The following ADGRB3 variants were observed in gnomAD, a reference collection of about 807,000 sequenced individuals.
ADGRB3 encodes brain-specific angiogenesis inhibitor 3.
Under a neutral mutation model 193.4 loss-of-function variants are expected in ADGRB3, and 37 were observed. That is an observed-to-expected ratio of 0.19 (90% CI 0.15 to 0.25). The LOEUF (loss-of-function observed/expected upper bound fraction) is 0.25. ADGRB3 is among the 10% of genes least tolerant of loss of function. The pLI is 1.00. For synonymous variants in ADGRB3, 690 were observed against 644.2 expected, an observed-to-expected ratio of 1.07 and a Z score of -1.08; for missense variants, 1,637 against 1,852.9, an observed-to-expected ratio of 0.88 and a Z score of 2.14.
chr6:69,385,974 T>G (rs1351529087), intron 31 of ADGRB3, among the ~76,000 whole-genome samples: 1 of 152,028 alleles, frequency 6.6e-6, no homozygotes, highest in Non-Finnish European at 1.5e-5. Flanking sequence ...GACTTCTGAG[T>G]GCAGTAGTTT....
intron 3 of ADGRB3, among the ~76,000 whole-genome samples, chr6:68,732,240 G>T (rs2127333068): frequency 6.6e-6 from 1 of 151,832 alleles, no homozygotes; most frequent in East Asian, 1.9e-4. Flanking sequence ...TGTGGCATGG[G>T]AGTTTGTTAG....
At chr6:68,665,072 T>C (rs988648756) in intron 3 of ADGRB3, among the ~76,000 whole-genome samples, 2 of 151,744 alleles carry the variant, frequency 1.3e-5, no homozygotes, top group African/African-American at 2.4e-5. Context: ...CAGCCTTCTT[T>C]ACTGGCCAAG....
intron 3 of ADGRB3, among the ~76,000 whole-genome samples, chr6:68,668,804 G>C (rs1472608097): frequency 6.6e-6 from 1 of 151,780 alleles, no homozygotes; most frequent in Non-Finnish European, 1.5e-5. Context: ...TACCTCCAAA[G>C]TATAATTAAC....
intron 3 of ADGRB3, among the ~76,000 whole-genome samples, chr6:68,763,236 G>A (rs917567160): frequency 1.1e-4 from 16 of 152,030 alleles, no homozygotes; most frequent in African/African-American, 2.2e-4. Flanking sequence ...GATTACAGGC[G>A]CCCACCATAA....
At chr6:68,773,517 A>G (rs1766679582) in intron 3 of ADGRB3, among the ~76,000 whole-genome samples, 1 of 152,192 alleles carries the variant, frequency 6.6e-6, no homozygotes, top group Non-Finnish European at 1.5e-5. Flanking sequence ...TTCAACATTT[A>G]TTAAACATCT....
chr6:68,977,712 T>G (rs1338413807), intron 10 of ADGRB3, among the ~76,000 whole-genome samples: 3 of 152,172 alleles, frequency 2.0e-5, no homozygotes, highest in Non-Finnish European at 2.9e-5. Context: ...CTGCCTCTGT[T>G]TATTCGGCTC....
rs771180979 is a variant in ADGRB3, at chr6:68,993,869, T to C, written c.1836T>C (p.Tyr612=). 5 of 1,614,012 alleles carry C rather than the reference T, an allele frequency of 3.1e-6. No individual in the cohort carries two copies. In the South Asian group the frequency reaches 5.5e-5, roughly 18 times the overall value. The change falls in exon 11 of 32, where the codon TAT becomes TAC. Residue 612 remains tyrosine (Y), a synonymous_variant. Transcript: ENST00000370598. Reference sequence around the variant, plus strand: ...ATTTAACTCAGAGAAAAAATTTCTATGCAGGCGATCTTCTGATGTCTGTGG... The same window carrying C: ...ATTTAACTCAGAGAAAAAATTTCTACGCAGGCGATCTTCTGATGTCTGTGG... ...LLDLTQRKNF[Y]AGDLLMSVEI...
intron 3 of ADGRB3, among the ~76,000 whole-genome samples, chr6:68,803,939 A>G (rs1767357378): frequency 6.6e-6 from 1 of 152,164 alleles, no homozygotes. Flanking sequence ...ATTCAATACC[A>G]TTGAACATTT....
At chr6:68,648,309 C>G (rs944360208) in intron 3 of ADGRB3, among the ~76,000 whole-genome samples, 6 of 152,000 alleles carry the variant, frequency 3.9e-5, no homozygotes, top group African/African-American at 1.2e-4. Context: ...AATGATGATG[C>G]CTGAGGCATG....
chr6:68,803,261 C>A (rs915888106), intron 3 of ADGRB3, among the ~76,000 whole-genome samples: 3 of 152,156 alleles, frequency 2.0e-5, no homozygotes, highest in African/African-American at 7.2e-5. Context: ...TTCATAATTT[C>A]TGTATTTACA....
At chr6:68,852,360 A>G (rs1018610593) in intron 3 of ADGRB3, among the ~76,000 whole-genome samples, 3 of 151,942 alleles carry the variant, frequency 2.0e-5, no homozygotes, top group African/African-American at 7.2e-5. Context: ...ATTAGCATAT[A>G]TTGAATACAT....
Position 69,014,084 on chromosome 6 carries a change from A to G in ADGRB3, c.1976A>G (p.Glu659Gly). The G allele has an allele frequency of 6.2e-7, 1 of 1,603,580 alleles. No homozygotes were observed. Residue 659 changes from glutamate to glycine, a missense_variant, in exon 12 of 32, where the codon GAA becomes GGA. Coordinates refer to ENST00000370598, the MANE Select transcript of ADGRB3 (RefSeq NM_001704.3). Reference protein sequence around the residue: ...VSNLLDEENKEKWEDAQQIYP... With the variant: ...VSNLLDEENKGKWEDAQQIYP... ...AACCTTCTAGATGAAGAAAACAAGGAAAAATGGGAAGATGCACAACAGGTA... is the reference window on the plus strand; with the variant it reads ...AACCTTCTAGATGAAGAAAACAAGGGAAAATGGGAAGATGCACAACAGGTA...
chr6:68,902,928 G>A (rs1766437885), intron 3 of ADGRB3, among the ~76,000 whole-genome samples: 1 of 152,082 alleles, frequency 6.6e-6, no homozygotes, highest in African/African-American at 2.4e-5. Flanking sequence ...TGGTTTCTGT[G>A]AAAAGTCTCT....
chr6:69,237,237 A>G (rs575023289), intron 19 of ADGRB3, among the ~76,000 whole-genome samples: 11 of 152,140 alleles, frequency 7.2e-5, no homozygotes, highest in Admixed American at 5.9e-4. Flanking sequence ...TTAGGTTCCT[A>G]CCACCTTTTA....
At chr6:69,375,893 A>C (rs1007746260) in intron 30 of ADGRB3, among the ~76,000 whole-genome samples, 1 of 151,950 alleles carries the variant, frequency 6.6e-6, no homozygotes, top group Non-Finnish European at 1.5e-5. Context: ...CAGTGAACCA[A>C]GATCGTGCCG....
At chr6:68,860,375 T>G (rs1582261865) in intron 3 of ADGRB3, among the ~76,000 whole-genome samples, 1 of 152,192 alleles carries the variant, frequency 6.6e-6, no homozygotes, top group East Asian at 1.9e-4. Flanking sequence ...ATTTTTCAAC[T>G]CTAATACTCT....
intron 3 of ADGRB3, among the ~76,000 whole-genome samples, chr6:68,847,912 G>T (rs1324965302): frequency 6.7e-6 from 1 of 148,194 alleles, no homozygotes; most frequent in Non-Finnish European, 1.5e-5. Context: ...AGGAAAGGAA[G>T]GAAAAAAAAG....
chr6:68,778,591 A>G (rs895699210), intron 3 of ADGRB3, among the ~76,000 whole-genome samples: 2 of 152,134 alleles, frequency 1.3e-5, no homozygotes, highest in African/African-American at 4.8e-5. Context: ...GCATAATTTT[A>G]ATTCAGGCAG....
intron 3 of ADGRB3, among the ~76,000 whole-genome samples, chr6:68,726,311 G>T (rs370498644): frequency 1.3e-5 from 2 of 151,646 alleles, no homozygotes; most frequent in East Asian, 1.9e-4. Context: ...CAGAGAGGAA[G>T]AAATTAAAAT....
Sources: gnomAD v4.1 joint callset for allele counts (sites outside exome capture counted in the v4.1 genomes callset) on GRCh38, gnomAD v4.1.1 for gene constraint, MANE v1.5 for transcripts, NCBI Gene and HGNC (gene_info 2026-07-23, HGNC 2026-07-21) for gene names.